The following RGS6 variants were observed in gnomAD, a reference collection of about 807,000 sequenced individuals.
RGS6 encodes regulator of G-protein signaling 6.
A neutral mutation model predicts 78.5 loss-of-function variants in RGS6; 30 were observed. That is an observed-to-expected ratio of 0.38 (90% CI 0.29 to 0.52). The LOEUF (loss-of-function observed/expected upper bound fraction) is 0.52, where lower values mean the gene tolerates loss of function less well. Among genes scored for constraint, RGS6 ranks in the 20% least tolerant of loss-of-function variants. The pLI is 0.85. For synonymous variants in RGS6, 206 were observed against 206.0 expected (o/e 1.00, Z 0.00); for missense variants, 495 against 609.7 (o/e 0.81, Z 1.98).
intron 15 of RGS6, among the ~76,000 whole-genome samples, chr14:72,530,455 A>G (rs982036297): frequency 2.0e-5 from 3 of 152,186 alleles, no homozygotes; most frequent in African/African-American, 7.2e-5. Context: ...TGGGAGGCCG[A>G]GGCGGGTGAA....
At chr14:72,066,919 T>C (rs1184467817) in intron 2 of RGS6, among the ~76,000 whole-genome samples, 3 of 152,078 alleles carry the variant, frequency 2.0e-5, no homozygotes, top group Non-Finnish European at 4.4e-5. Flanking sequence ...CAGATGTATT[T>C]TGGAATTTAA....
intron 6 of RGS6, among the ~76,000 whole-genome samples, chr14:72,463,500 G>A (rs1341051318): frequency 6.6e-6 from 1 of 152,242 alleles, no homozygotes; most frequent in Non-Finnish European, 1.5e-5. Context: ...GCCATCAGGA[G>A]TGGCCCCAGC....
chr14:72,281,019 CA>C (rs2061477105), intron 2 of RGS6, among the ~76,000 whole-genome samples: 1 of 152,080 alleles, frequency 6.6e-6, no homozygotes, highest in Admixed American at 6.5e-5. Flanking sequence ...GAAGTGTAAA[CA>C]TGACCCTAAT....
chr14:72,492,501 A>G (rs756422744), intron 12 of RGS6, among the ~76,000 whole-genome samples: 19 of 152,168 alleles, frequency 1.2e-4, no homozygotes, highest in Non-Finnish European at 2.1e-4. Flanking sequence ...GAGGCATTCT[A>G]GTTTCTATGA....
the RGS6 span, among the ~76,000 whole-genome samples, chr14:72,596,067 T>C: frequency 6.6e-6 from 1 of 152,266 alleles, no homozygotes; most frequent in African/African-American, 2.4e-5. Context: ...GTCATTTTTC[T>C]ATTGCTGCAG....
At chr14:72,416,382 T>G (rs1394340232) in intron 3 of RGS6, among the ~76,000 whole-genome samples, 1 of 152,214 alleles carries the variant, frequency 6.6e-6, no homozygotes, top group Admixed American at 6.5e-5. Flanking sequence ...CAGCTCTGAA[T>G]GAGAAAAGTT....
intron 2 of RGS6, among the ~76,000 whole-genome samples, chr14:72,100,552 G>A (rs921150348): frequency 2.5e-4 from 38 of 152,204 alleles, no homozygotes; most frequent in African/African-American, 7.9e-4. Flanking sequence ...GGCATCGTGC[G>A]GACAGGGGAG....
intron 3 of RGS6, among the ~76,000 whole-genome samples, chr14:72,415,036 G>C (rs559303672): frequency 6.6e-6 from 1 of 152,174 alleles, no homozygotes; most frequent in Admixed American, 6.5e-5. Context: ...CCCAGACTGC[G>C]TGCTGAGAGA....
Position 72,479,077 on chromosome 14 carries a change from A to T in RGS6, c.854+748A>T, listed in dbSNP as rs578032182. 2.8e-4 allele frequency among the ~76,000 whole-genome samples: 42 copies of T among 152,316 alleles called. 1 individual carries two copies. The highest frequency in any genetic ancestry group is 6.2e-4 in the South Asian group (3 of 4,824). ...CAATTGCTTAAGGAATCAAGAGCTT[A>T]AGTTGGGTCTTGGTATTTATTGGAT... On this transcript the variant is annotated intron_variant, in intron 12 of 17. Coordinates refer to ENST00000553525, the MANE Select transcript of RGS6 (RefSeq NM_001204424.2).
downstream of RGS6, among the ~76,000 whole-genome samples, chr14:72,570,127 A>C (rs1274074890): frequency 6.6e-6 from 1 of 152,238 alleles, no homozygotes; most frequent in Non-Finnish European, 1.5e-5. Context: ...TATTTTTAAA[A>C]ATTAAAAAAT....
intron 2 of RGS6, among the ~76,000 whole-genome samples, chr14:72,234,763 C>T (rs899152068): frequency 1.3e-5 from 2 of 152,104 alleles, no homozygotes; most frequent in Admixed American, 6.5e-5. Flanking sequence ...TAGACATTTT[C>T]CTCATGGACC....
chr14:72,625,377 C>T, the RGS6 span, among the ~76,000 whole-genome samples: 6 of 152,178 alleles, frequency 3.9e-5, no homozygotes, highest in Middle Eastern at 3.4e-3. Context: ...TTGGTCATTA[C>T]GGGTTCCTTC....
chr14:72,117,094 C>G (rs1424760442), intron 2 of RGS6, among the ~76,000 whole-genome samples: 1 of 151,768 alleles, frequency 6.6e-6, no homozygotes, highest in East Asian at 1.9e-4. Flanking sequence ...CCTCAGAGAT[C>G]TGGGGACAAA....
intron 2 of RGS6, among the ~76,000 whole-genome samples, chr14:72,113,483 A>G (rs1414038955): frequency 1.3e-5 from 2 of 152,222 alleles, no homozygotes; most frequent in Non-Finnish European, 2.9e-5. Flanking sequence ...TCCTGCTTCA[A>G]CTGGAGCATC....
chr14:72,328,463 C>T (rs762725956), intron 2 of RGS6, among the ~76,000 whole-genome samples: 5 of 152,104 alleles, frequency 3.3e-5, no homozygotes, highest in Non-Finnish European at 4.4e-5. Context: ...CCTACTTTCA[C>T]GGTCTACACA....
At position 72,153,977 on chromosome 14, in the gene RGS6, G is replaced by A. The variant is rs948680824; in HGVS notation, c.84+189102G>A. The stretch of plus-strand genomic sequence containing the variant: ...TAGTAAGCCTGAAGTTACTGCAGGA[G>A]ACCAGGGCGTATCTCAGTCCTTATC... On this transcript the variant is annotated intron_variant, in intron 2 of 17. Coordinates refer to ENST00000553525, the MANE Select transcript of RGS6 (RefSeq NM_001204424.2). Among the ~76,000 whole-genome samples the A allele has an allele frequency of 2.0e-5, 3 of 152,164 alleles. No individual in the cohort carries two copies. The South Asian group carries it at 6.2e-4, about 32-fold the overall frequency.
chr14:72,282,205 G>A (rs949003227), intron 2 of RGS6, among the ~76,000 whole-genome samples: 1 of 152,182 alleles, frequency 6.6e-6, no homozygotes, highest in East Asian at 1.9e-4. Context: ...AGAGATGGAT[G>A]TGATGGCTGT....
intron 2 of RGS6, among the ~76,000 whole-genome samples, chr14:72,277,452 C>A (rs926861852): frequency 2.0e-5 from 3 of 152,004 alleles, no homozygotes; most frequent in African/African-American, 7.3e-5. Flanking sequence ...AAAAAATGAG[C>A]TGGGAGTGGT....
intron 3 of RGS6, among the ~76,000 whole-genome samples, chr14:72,383,565 C>T (rs943027157): frequency 2.0e-5 from 3 of 152,148 alleles, no homozygotes; most frequent in Non-Finnish European, 4.4e-5. Context: ...TGCTTATTAA[C>T]AGGCATAAAC....
Sources: allele counts gnomAD v4.1 joint callset (sites outside exome capture counted in the v4.1 genomes callset), GRCh38; gene constraint gnomAD v4.1.1; transcripts MANE v1.5; gene names NCBI Gene and HGNC (gene_info 2026-07-23, HGNC 2026-07-21).